The following UMAD1 variants were observed in gnomAD, a reference collection of about 807,000 sequenced individuals.
The protein encoded by UMAD1 is UBAP1-MVB12-associated (UMA)-domain containing protein 1.
In UMAD1, 8 loss-of-function variants were observed where a neutral mutation model predicts 6.1. That is an observed-to-expected ratio of 1.30 (90% CI 0.76 to 2.35). The LOEUF (loss-of-function observed/expected upper bound fraction) is 2.35. UMAD1 is among the 30% of genes most tolerant of loss of function. UMAD1 has a pLI of 0.00. For synonymous variants in UMAD1, 56 were observed against 31.4 expected (o/e 1.78, Z -2.61); for missense variants, 130 against 78.4 (o/e 1.66, Z -2.49).
At chr7:7,660,912 A>C (rs188080503) in intron 1 of UMAD1, among the ~76,000 whole-genome samples, 1 of 151,900 alleles carries the variant, frequency 6.6e-6, no homozygotes, top group Non-Finnish European at 1.5e-5. Context: ...ACTTGGTTCT[A>C]TTCTCCCTGT....
chr7:7,698,350 C>T lies in UMAD1; in HGVS notation c.82+24897C>T, dbSNP rs145710918. On this transcript the variant is annotated intron_variant, in intron 2 of 3. Coordinates refer to ENST00000682710, the MANE Select transcript of UMAD1 (RefSeq NM_001302348.2). ...TTAAAATAAGGTTTATATAATGGTG[C>T]GTTTCCTGCTGCATCTCTGCCATCA... 1.6e-4 allele frequency among the ~76,000 whole-genome samples: 24 copies of T among 152,196 alleles called. No individual in the cohort carries two copies. The East Asian group carries it at 1.9e-3, about 12-fold the overall frequency.
At chr7:7,648,139 C>A (rs144315990) in intron 1 of UMAD1, among the ~76,000 whole-genome samples, 2 of 152,276 alleles carry the variant, frequency 1.3e-5, no homozygotes, top group East Asian at 3.9e-4. Flanking sequence ...GCTCCAGTGG[C>A]CTCCTTCTTC....
chr7:7,869,904 C>T lies in UMAD1; in HGVS notation c.157-7377C>T, dbSNP rs1004233464. On this transcript the variant is annotated intron_variant, in intron 3 of 3. Transcript: ENST00000682710. Reference sequence around the variant, plus strand: ...CTCTGGGGAAGTGACTTCATTTTTCCAACCCTTTGCTGAAAAGTGTTATAT... The same window carrying T: ...CTCTGGGGAAGTGACTTCATTTTTCTAACCCTTTGCTGAAAAGTGTTATAT... Among the ~76,000 whole-genome samples the T allele has an allele frequency of 3.3e-5, 5 of 152,110 alleles. 1 individual carries two copies. In the East Asian group the frequency reaches 7.7e-4, roughly 23 times the overall value.
At chr7:7,777,985 A>G (rs566894193) in intron 2 of UMAD1, among the ~76,000 whole-genome samples, 1 of 152,002 alleles carries the variant, frequency 6.6e-6, no homozygotes, top group Non-Finnish European at 1.5e-5. Flanking sequence ...TGAACATAAA[A>G]CTCTGAGACT....
chr7:7,680,810 A>G (rs998368367), intron 2 of UMAD1, among the ~76,000 whole-genome samples: 2 of 151,890 alleles, frequency 1.3e-5, no homozygotes, highest in African/African-American at 4.8e-5. Context: ...AGCTTTATAA[A>G]TGGGATTACT....
intron 3 of UMAD1, among the ~76,000 whole-genome samples, chr7:7,829,003 G>A (rs547385307): frequency 6.6e-6 from 1 of 152,122 alleles, no homozygotes; most frequent in Admixed American, 6.5e-5. Flanking sequence ...CTATTATAAG[G>A]GATAACATGT....
At chr7:7,805,008 C>G (rs1294259863) in intron 3 of UMAD1, among the ~76,000 whole-genome samples, 3 of 96,082 alleles carry the variant, frequency 3.1e-5, no homozygotes, top group African/African-American at 1.5e-4. Flanking sequence ...CAAAACAAAA[C>G]AAAACAAAAG....
At chr7:7,648,259 T>C (rs1563081638) in intron 1 of UMAD1, among the ~76,000 whole-genome samples, 2 of 152,246 alleles carry the variant, frequency 1.3e-5, no homozygotes, top group Non-Finnish European at 1.5e-5. Context: ...TGACAGATCA[T>C]GAGTGATTTG....
At chr7:7,751,726 G>T (rs1291920220) in intron 2 of UMAD1, among the ~76,000 whole-genome samples, 1 of 152,056 alleles carries the variant, frequency 6.6e-6, no homozygotes, top group Non-Finnish European at 1.5e-5. Flanking sequence ...AAATTTACTG[G>T]GATTTAGGTT....
intron 3 of UMAD1, among the ~76,000 whole-genome samples, chr7:7,843,846 A>C: frequency 6.6e-6 from 1 of 152,174 alleles, no homozygotes; most frequent in Non-Finnish European, 1.5e-5. Context: ...TCAGTTCTGT[A>C]ATCCCCTAAA....
intron 3 of UMAD1, among the ~76,000 whole-genome samples, chr7:7,862,935 A>G (rs1439908597): frequency 6.6e-6 from 1 of 152,236 alleles, no homozygotes. Context: ...GAAAATTATG[A>G]TAATGTCTAG....
intron 2 of UMAD1, among the ~76,000 whole-genome samples, chr7:7,720,643 A>G (rs1261517287): frequency 6.6e-6 from 1 of 152,224 alleles, no homozygotes; most frequent in Non-Finnish European, 1.5e-5. Context: ...GAGAAAAAAA[A>G]GCATCTTCAA....
rs371960752 is a variant in UMAD1, at chr7:7,872,103, A to T, written c.157-5178A>T. Among the ~76,000 whole-genome samples, 7 of 145,160 alleles carry T rather than the reference A, an allele frequency of 4.8e-5. No homozygotes were observed. In the South Asian group the frequency reaches 6.5e-4, roughly 13 times the overall value. On this transcript the variant is annotated intron_variant, in intron 3 of 3. Coordinates refer to ENST00000682710, the MANE Select transcript of UMAD1 (RefSeq NM_001302348.2). Reference sequence around the variant, plus strand: ...CATAAAAAAATAAAAAATAAAAAATAAAAAAAAAAAGAAGTTGTGTGTTTA... The same window carrying T: ...CATAAAAAAATAAAAAATAAAAAATTAAAAAAAAAAGAAGTTGTGTGTTTA...
intron 2 of UMAD1, among the ~76,000 whole-genome samples, chr7:7,782,620 T>G (rs1021778690): frequency 6.6e-6 from 1 of 152,192 alleles, no homozygotes; most frequent in Non-Finnish European, 1.5e-5. Flanking sequence ...ACCTGTAAAC[T>G]TGAACCACAA....
At position 7,642,071 on chromosome 7, in the gene UMAD1, T is replaced by C. The variant is rs142634811; in HGVS notation, c.-64+1250T>C. Reference sequence around the variant, plus strand: ...TTACAGCTTTAAGTCTTTTGTACTTTAGCATTGTTTTGCAAAGCAAGTTGA... The same window carrying C: ...TTACAGCTTTAAGTCTTTTGTACTTCAGCATTGTTTTGCAAAGCAAGTTGA... On this transcript the variant is annotated intron_variant, in intron 1 of 3. Transcript: ENST00000682710. Among the ~76,000 whole-genome samples the C allele has an allele frequency of 5.9e-5, 9 of 152,360 alleles. No homozygotes were observed. The East Asian group carries it at 1.5e-3, about 26-fold the overall frequency.
chr7:7,802,369 T>A (rs1563218004), intron 3 of UMAD1, among the ~76,000 whole-genome samples: 1 of 114,440 alleles, frequency 8.7e-6, no homozygotes, highest in East Asian at 2.1e-4. Context: ...AGAGCGAGAC[T>A]CCGTCTCAAA....
intron 3 of UMAD1, among the ~76,000 whole-genome samples, chr7:7,863,698 TA>T (rs556240158): frequency 1.2e-3 from 187 of 152,176 alleles, no homozygotes; most frequent in Non-Finnish European, 1.6e-3. Context: ...AATGGAGAAA[TA>T]AGATCAAAGA....
chr7:7,783,685 T>C (rs1240601082), intron 2 of UMAD1, among the ~76,000 whole-genome samples: 1 of 152,200 alleles, frequency 6.6e-6, no homozygotes, highest in Admixed American at 6.5e-5. Flanking sequence ...TAAAACTGGT[T>C]CTAAGTCCTT....
intron 1 of UMAD1, among the ~76,000 whole-genome samples, chr7:7,649,749 C>G (rs1276979280): frequency 6.6e-6 from 1 of 152,128 alleles, no homozygotes; most frequent in Non-Finnish European, 1.5e-5. Flanking sequence ...TCTCTCTCCC[C>G]CCACCCAATT....
Sources: gnomAD v4.1 joint callset for allele counts (sites outside exome capture counted in the v4.1 genomes callset) on GRCh38, gnomAD v4.1.1 for gene constraint, MANE v1.5 for transcripts, NCBI Gene and HGNC (gene_info 2026-07-23, HGNC 2026-07-21) for gene names.